Variants in TOX observed in about 807,000 individuals in gnomAD.
TOX encodes the protein thymocyte selection-associated high mobility group box protein TOX.
In TOX, 11 loss-of-function variants were observed where a neutral mutation model predicts 53.7. The ratio of observed to expected loss-of-function variants is 0.20; its 90% confidence interval spans 0.13 to 0.34. The LOEUF is 0.34. Ranked by LOEUF, TOX falls within the 10% of genes least tolerant of loss-of-function variation. The pLI, the probability that TOX is intolerant of heterozygous loss-of-function variation, is 1.00. For missense variants in TOX, 570 were observed against 664.6 expected, an observed-to-expected ratio of 0.86 and a Z score of 1.56; for synonymous variants, 225 against 245.3, an observed-to-expected ratio of 0.92 and a Z score of 0.77.
intron 7 of TOX, among the ~76,000 whole-genome samples, chr8:58,810,453 A>C (rs1810057906): frequency 6.6e-6 from 1 of 151,916 alleles, no homozygotes; most frequent in Non-Finnish European, 1.5e-5. Context: ...CGATCCTTCC[A>C]CCTCAACCTC....
chr8:58,933,514 A>C (rs1812293926), intron 3 of TOX, among the ~76,000 whole-genome samples: 1 of 151,948 alleles, frequency 6.6e-6, no homozygotes, highest in African/African-American at 2.4e-5. Flanking sequence ...TACATTTTCC[A>C]GTCAAAAGAA....
chr8:59,078,271 A>G (rs1268074585), intron 1 of TOX, among the ~76,000 whole-genome samples: 3 of 152,136 alleles, frequency 2.0e-5, no homozygotes, highest in Admixed American at 6.5e-5. Flanking sequence ...GGAGCCTGGG[A>G]CAGCATCGAG....
intron 7 of TOX, chr8:58,814,623 T>C (rs927028238): frequency 6.6e-6 from 1 of 152,200 alleles, no homozygotes; most frequent in Non-Finnish European, 1.5e-5. Context: ...TCAGTTTAGT[T>C]TATATTGTTT....
chr8:59,110,734 C>T (rs1343182334), intron 1 of TOX, among the ~76,000 whole-genome samples: 1 of 151,638 alleles, frequency 6.6e-6, no homozygotes, highest in Non-Finnish European at 1.5e-5. Context: ...AAAAGAGGCC[C>T]CCCGGGGGGC....
chr8:58,872,379 C>T (rs1334893149), intron 3 of TOX, among the ~76,000 whole-genome samples: 3 of 152,048 alleles, frequency 2.0e-5, no homozygotes, highest in Non-Finnish European at 4.4e-5. Flanking sequence ...TGTACACCTT[C>T]AGAAGGGGGG....
intron 3 of TOX, among the ~76,000 whole-genome samples, chr8:58,875,656 G>A (rs535351485): frequency 2.0e-5 from 3 of 152,222 alleles, no homozygotes; most frequent in African/African-American, 7.2e-5. Flanking sequence ...TGAAATTTTG[G>A]TGATATTCCT....
At chr8:58,998,165 T>C (rs1813596743) in intron 1 of TOX, among the ~76,000 whole-genome samples, 1 of 151,960 alleles carries the variant, frequency 6.6e-6, no homozygotes, top group Non-Finnish European at 1.5e-5. Context: ...GCATATTTAA[T>C]ATGAGAAAGA....
intron 1 of TOX, among the ~76,000 whole-genome samples, chr8:59,051,540 C>T (rs1168533178): frequency 6.6e-6 from 1 of 152,102 alleles, no homozygotes; most frequent in African/African-American, 2.4e-5. Flanking sequence ...CATCATCTAA[C>T]ATTTATGGGA....
chr8:58,948,180 T>G (rs1018977300), intron 2 of TOX, among the ~76,000 whole-genome samples: 3 of 152,160 alleles, frequency 2.0e-5, no homozygotes, highest in Admixed American at 6.5e-5. Context: ...GTTTGCCAGC[T>G]GAGGCTTTGA....
chr8:58,895,157 C>T (rs1485706810), intron 3 of TOX, among the ~76,000 whole-genome samples: 5 of 152,136 alleles, frequency 3.3e-5, no homozygotes, highest in Non-Finnish European at 7.4e-5. Flanking sequence ...CACTGCACTC[C>T]AGCCTGGGGG....
At chr8:58,978,549 C>A (rs1008581965) in intron 1 of TOX, among the ~76,000 whole-genome samples, 14 of 152,206 alleles carry the variant, frequency 9.2e-5, no homozygotes, top group Non-Finnish European at 1.5e-5. Flanking sequence ...TAATAGGTTT[C>A]ATTTTTACAA....
At chr8:58,849,796 G>A (rs373146065) in intron 4 of TOX, among the ~76,000 whole-genome samples, 27 of 151,946 alleles carry the variant, frequency 1.8e-4, no homozygotes, top group South Asian at 2.1e-4. Flanking sequence ...AATTTTTTTC[G>A]CCTTACAATA....
chr8:58,883,525 T>A lies in TOX; in HGVS notation c.412-31720A>T, dbSNP rs190940206. Among the ~76,000 whole-genome samples the A allele has an allele frequency of 4.6e-4, 70 of 152,314 alleles. No homozygotes were observed. In the Middle Eastern group the frequency reaches 0.01, roughly 22 times the overall value. On this transcript the variant is annotated intron_variant, in intron 3 of 8. Transcript: ENST00000361421. Reference sequence around the variant, plus strand: ...CATGTTACTTCTGTTCTTAAAATCATTTTCTACATTGACAAATAATTACCC... The same window carrying A: ...CATGTTACTTCTGTTCTTAAAATCAATTTCTACATTGACAAATAATTACCC...
chr8:59,008,385 G>A (rs1361098704), intron 1 of TOX, among the ~76,000 whole-genome samples: 1 of 152,254 alleles, frequency 6.6e-6, no homozygotes, highest in Non-Finnish European at 1.5e-5. Context: ...TCCATCGTAT[G>A]TACTTACCTT....
intron 1 of TOX, among the ~76,000 whole-genome samples, chr8:58,976,557 T>C (rs772003327): frequency 7.2e-5 from 11 of 152,228 alleles, no homozygotes; most frequent in Non-Finnish European, 1.2e-4. Context: ...TGAATCATCA[T>C]GAATGTTCTT....
chr8:59,076,019 AG>A (rs67682525), intron 1 of TOX, among the ~76,000 whole-genome samples: 36,811 of 143,314 alleles, frequency 0.26, 7,908 homozygotes, highest in African/African-American at 0.59. Flanking sequence ...AAAAAAAAAA[AG>A]GGGGTCAGGA....
intron 1 of TOX, among the ~76,000 whole-genome samples, chr8:59,097,816 T>G (rs982342007): frequency 5.3e-5 from 8 of 152,242 alleles, no homozygotes; most frequent in African/African-American, 1.9e-4. Flanking sequence ...TTTGTTTTCA[T>G]GCATCCTGTA....
intron 3 of TOX, among the ~76,000 whole-genome samples, chr8:58,935,665 G>A (rs1032787929): frequency 6.6e-6 from 1 of 152,156 alleles, no homozygotes; most frequent in African/African-American, 2.4e-5. Flanking sequence ...AATGGGCACT[G>A]ATGACGTAAA....
intron 4 of TOX, among the ~76,000 whole-genome samples, chr8:58,847,602 G>C (rs910139865): frequency 2.6e-5 from 4 of 152,038 alleles, no homozygotes; most frequent in Non-Finnish European, 2.9e-5. Context: ...GAATGGGATA[G>C]AGGCAGTATC....
Sources: allele counts gnomAD v4.1 joint callset (sites outside exome capture counted in the v4.1 genomes callset), GRCh38; gene constraint gnomAD v4.1.1; transcripts MANE v1.5; gene names NCBI Gene and HGNC (gene_info 2026-07-23, HGNC 2026-07-21).